Variants in CCDC91 observed in about 807,000 individuals in gnomAD.
CCDC91 encodes coiled-coil domain containing 91.
In CCDC91, 48 loss-of-function variants were observed where a neutral mutation model predicts 63.2. That is an observed-to-expected ratio of 0.76 (90% confidence interval 0.60 to 0.97). CCDC91 has a LOEUF of 0.97. Ranked by LOEUF, CCDC91 falls within the 50% of genes least tolerant of loss-of-function variation. The probability of loss-of-function intolerance (pLI) is 0.00; values close to 1 mark genes in which losing one functional copy is unlikely to be tolerated. For synonymous variants in CCDC91, 167 were observed against 165.8 expected (o/e 1.01, Z -0.06); for missense variants, 500 against 494.6 (o/e 1.01, Z -0.10).
chr12:28,532,739 G>A (rs1204441284), intron 12 of CCDC91, among the ~76,000 whole-genome samples: 4 of 151,990 alleles, frequency 2.6e-5, no homozygotes, highest in African/African-American at 9.7e-5. Context: ...GTTTTAGATG[G>A]CAACTTAAAT....
At chr12:28,534,969 A>T (rs556461847) in intron 12 of CCDC91, among the ~76,000 whole-genome samples, 16 of 152,332 alleles carry the variant, frequency 1.1e-4, no homozygotes, top group African/African-American at 3.6e-4. Context: ...ATATATGCTG[A>T]CTGTAAACTT....
intron 8 of CCDC91, among the ~76,000 whole-genome samples, chr12:28,400,828 A>G (rs1344355512): frequency 1.3e-5 from 2 of 152,178 alleles, no homozygotes; most frequent in Non-Finnish European, 2.9e-5. Flanking sequence ...CCTTTGCCCC[A>G]GTTCCCAACA....
intron 1 of CCDC91, among the ~76,000 whole-genome samples, chr12:28,203,268 T>C (rs774891466): frequency 3.2e-4 from 48 of 152,354 alleles, no homozygotes; most frequent in Non-Finnish European, 6.5e-4. Flanking sequence ...GATTAATTTC[T>C]AGAGTTCTGA....
At chr12:28,394,651 G>A (rs1207456292) in intron 8 of CCDC91, among the ~76,000 whole-genome samples, 1 of 149,286 alleles carries the variant, frequency 6.7e-6, no homozygotes, top group East Asian at 1.9e-4. Context: ...TGAGAAAAGC[G>A]CAAATCTAAT....
chr12:28,378,357 C>T (rs1945076712), intron 7 of CCDC91, among the ~76,000 whole-genome samples: 1 of 152,048 alleles, frequency 6.6e-6, no homozygotes, highest in Non-Finnish European at 1.5e-5. Context: ...TCAAAAGCAT[C>T]CACTTGCTAG....
chr12:28,393,661 A>G (rs1324636186), intron 8 of CCDC91, among the ~76,000 whole-genome samples: 3 of 152,198 alleles, frequency 2.0e-5, no homozygotes, highest in African/African-American at 7.2e-5. Flanking sequence ...ACTTGCTGCA[A>G]GGCCAAATGT....
At chr12:28,274,223 A>G (rs562908419) in intron 3 of CCDC91, among the ~76,000 whole-genome samples, 1 of 152,206 alleles carries the variant, frequency 6.6e-6, no homozygotes, top group South Asian at 2.1e-4. Context: ...TACCAGTACC[A>G]TGGTGTTTTG....
intron 8 of CCDC91, among the ~76,000 whole-genome samples, chr12:28,436,271 A>G (rs1948901042): frequency 6.6e-6 from 1 of 150,872 alleles, no homozygotes; most frequent in South Asian, 2.1e-4. Context: ...CTCTTTTTAA[A>G]TTTCTTTTTA....
At chr12:28,520,546 C>T (rs1940513535) in intron 12 of CCDC91, among the ~76,000 whole-genome samples, 1 of 152,096 alleles carries the variant, frequency 6.6e-6, no homozygotes, top group Non-Finnish European at 1.5e-5. Context: ...ATGGTAGTTT[C>T]TTTTGCTGTG....
At chr12:28,500,828 T>A (rs1189585142) in intron 12 of CCDC91, among the ~76,000 whole-genome samples, 2 of 151,608 alleles carry the variant, frequency 1.3e-5, no homozygotes, top group Non-Finnish European at 3.0e-5. Context: ...TTCCCTGCCC[T>A]CCCCCTATTA....
chr12:28,394,555 C>T (rs1013418342), intron 8 of CCDC91, among the ~76,000 whole-genome samples: 1 of 151,986 alleles, frequency 6.6e-6, no homozygotes, highest in African/African-American at 2.4e-5. Flanking sequence ...AATGGTGACT[C>T]CACATTTGTT....
chr12:28,300,862 T>C (rs1592245994), intron 3 of CCDC91, among the ~76,000 whole-genome samples: 1 of 151,768 alleles, frequency 6.6e-6, no homozygotes, highest in East Asian at 1.9e-4. Flanking sequence ...TTTGTTGCAG[T>C]GAAAAATACT....
chr12:28,424,979 C>A (rs1278071144), intron 8 of CCDC91, among the ~76,000 whole-genome samples: 1 of 152,062 alleles, frequency 6.6e-6, no homozygotes, highest in African/African-American at 2.4e-5. Flanking sequence ...TCATTTATTT[C>A]TTAAAGTGAG....
At chr12:28,407,515 C>A (rs1947025660) in intron 8 of CCDC91, among the ~76,000 whole-genome samples, 1 of 152,082 alleles carries the variant, frequency 6.6e-6, no homozygotes, top group African/African-American at 2.4e-5. Context: ...AGGTTCTTTG[C>A]ATTTCCACAT....
chr12:28,341,575 A>T (rs1245882218), intron 6 of CCDC91, among the ~76,000 whole-genome samples: 1 of 152,202 alleles, frequency 6.6e-6, no homozygotes, highest in Non-Finnish European at 1.5e-5. Flanking sequence ...TGATGTCTCC[A>T]TAGGTTCCAG....
intron 1 of CCDC91, among the ~76,000 whole-genome samples, chr12:28,234,204 T>A (rs1054042471): frequency 6.6e-6 from 1 of 152,182 alleles, no homozygotes; most frequent in Non-Finnish European, 1.5e-5. Flanking sequence ...CTTTATAACA[T>A]ATTTGTAGTG....
chr12:28,453,275 T>TA (rs1329426643), intron 11 of CCDC91, among the ~76,000 whole-genome samples: 1 of 152,008 alleles, frequency 6.6e-6, no homozygotes, highest in Non-Finnish European at 1.5e-5. Flanking sequence ...TTACTTGAAT[T>TA]AGTCTTTTTA....
chr12:28,249,627 C>A (rs1320968820), intron 1 of CCDC91, among the ~76,000 whole-genome samples: 1 of 151,792 alleles, frequency 6.6e-6, no homozygotes, highest in Non-Finnish European at 1.5e-5. Context: ...GTAAGGAGCT[C>A]AAAGAGGTTG....
intron 12 of CCDC91, among the ~76,000 whole-genome samples, chr12:28,526,484 A>G (rs1044952379): frequency 6.6e-6 from 1 of 152,012 alleles, no homozygotes; most frequent in African/African-American, 2.4e-5. Context: ...TGTTAATCTG[A>G]TTGGTTTTCC....
Sources: gnomAD v4.1 joint callset for allele counts (sites outside exome capture counted in the v4.1 genomes callset) on GRCh38, gnomAD v4.1.1 for gene constraint, MANE v1.5 for transcripts, NCBI Gene and HGNC (gene_info 2026-07-23, HGNC 2026-07-21) for gene names.